The following NIPBL variants were observed in gnomAD, a reference collection of about 807,000 sequenced individuals.
NIPBL encodes NIPBL cohesin loading factor.
A neutral mutation model predicts 321.8 loss-of-function variants in NIPBL; 19 were observed. The ratio of observed to expected loss-of-function variants is 0.06; its 90% CI spans 0.04 to 0.09. NIPBL has a LOEUF of 0.09. NIPBL is among the 10% of genes least tolerant of loss of function. NIPBL has a pLI of 1.00. For synonymous variants in NIPBL, 1,106 were observed against 1,114.1 expected (o/e 0.99, Z 0.14); for missense variants, 2,210 against 3,327.0 (o/e 0.66, Z 8.26).
chr5:37,061,141 A>T, intron 45 of NIPBL, 123 bp downstream of exon 45: 4 of 714,820 alleles, frequency 5.6e-6, no homozygotes, highest in Non-Finnish European at 9.5e-6. Flanking sequence ...AACTATCAAG[A>T]TAATTTTTCT....
Position 37,027,339 on chromosome 5 carries a change from A to T in NIPBL, c.5809-20A>T. 6.3e-7 allele frequency: 1 copy of T among 1,587,904 alleles called. No homozygotes were observed. Among genetic ancestry groups the T allele is most frequent in the Non-Finnish European group, 8.6e-7 (1 of 1,156,384 alleles). On this transcript the variant is annotated intron_variant, in intron 31 of 46. Transcript: ENST00000282516. The stretch of plus-strand genomic sequence containing the variant: ...ATTTATAAATATACTTCTAACTTTG[A>T]TTCTTTTCATCACCCTTAGGTTGCA...
intron 31 of NIPBL, 137 bp from the exon 32 acceptor site, chr5:37,027,222 G>T: frequency 1.4e-6 from 1 of 698,344 alleles, no homozygotes; most frequent in Non-Finnish European, 2.5e-6. Flanking sequence ...TTGTGTTACT[G>T]AAAAAATAGT....
intron 36 of NIPBL, among the ~76,000 whole-genome samples, chr5:37,045,103 G>T (rs1337505044): frequency 1.3e-5 from 2 of 152,188 alleles, no homozygotes; most frequent in Non-Finnish European, 2.9e-5. Context: ...TGTAATCCCA[G>T]CACTTTGGGA....
intron 34 of NIPBL, among the ~76,000 whole-genome samples, chr5:37,041,486 A>G (rs576698849): frequency 5.3e-5 from 8 of 151,392 alleles, no homozygotes; most frequent in Non-Finnish European, 8.8e-5. Flanking sequence ...ACTGGTCTTG[A>G]ACTCCAGACC....
chr5:36,884,240 TTTG>T (rs773064352), intron 1 of NIPBL, among the ~76,000 whole-genome samples: 1 of 152,164 alleles, frequency 6.6e-6, no homozygotes, highest in Non-Finnish European at 1.5e-5. Flanking sequence ...AATATAGGTA[TTTG>T]TTGTTAATGT....
intron 1 of NIPBL, among the ~76,000 whole-genome samples, chr5:36,952,353 A>G (rs1417195835): frequency 6.6e-6 from 1 of 152,156 alleles, no homozygotes; most frequent in Non-Finnish European, 1.5e-5. Context: ...TAAGTTTTTT[A>G]AACTGGAAAT....
chr5:36,900,465 A>G (rs1233250008), intron 1 of NIPBL, among the ~76,000 whole-genome samples: 1 of 152,098 alleles, frequency 6.6e-6, no homozygotes, highest in East Asian at 1.9e-4. Context: ...AAATTAGGAA[A>G]CTGATGCTTA....
rs1360433761 is a variant in NIPBL, at chr5:37,036,266, G to A, written c.5863-113G>A. ...CAAATTGAAAAGTATGTTACTTATG[G>A]ACACTTTTAATGTGTTTATATTATT... On this transcript the variant is annotated intron_variant, in intron 32 of 46. Transcript: ENST00000282516. The A allele has an allele frequency of 1.2e-5, 3 of 248,158 alleles. No homozygotes were observed. In the East Asian group the frequency reaches 2.7e-4, roughly 22 times the overall value. 15.4% of individuals were successfully genotyped at this position (248,158 alleles called of 1,614,324 possible).
At chr5:37,017,511 G>A (rs1749127939) in intron 24 of NIPBL, among the ~76,000 whole-genome samples, 1 of 151,532 alleles carries the variant, frequency 6.6e-6, no homozygotes, top group African/African-American at 2.4e-5. Flanking sequence ...ACTTTTGAAT[G>A]TTTTGTATCT....
At chr5:36,887,345 G>C (rs1745989372) in intron 1 of NIPBL, among the ~76,000 whole-genome samples, 1 of 152,060 alleles carries the variant, frequency 6.6e-6, no homozygotes, top group Admixed American at 6.6e-5. Context: ...TTTGCTTTAG[G>C]TTTAGTGTTT....
rs186833677 is a variant in NIPBL at position 36,911,011 on chromosome 5, C to T, written c.-80+33833C>T. ...GTCTTTTATCTTCCCTTTTAGAAATCCCTCAGTTGAATTAAGAGGAAAAAA... is the reference window on the plus strand; with the variant it reads ...GTCTTTTATCTTCCCTTTTAGAAATTCCTCAGTTGAATTAAGAGGAAAAAA... On this transcript the variant is annotated intron_variant, in intron 1 of 46. Coordinates refer to ENST00000282516, the MANE Select transcript of NIPBL (RefSeq NM_133433.4). Among the ~76,000 whole-genome samples, 500 of 152,204 alleles carry T rather than the reference C, an allele frequency of 3.3e-3. 2 individuals carry two copies. The highest frequency in any genetic ancestry group is 0.012 in the African/African-American group (480 of 41,524).
intron 1 of NIPBL, among the ~76,000 whole-genome samples, chr5:36,952,076 G>T (rs571291998): frequency 4.5e-4 from 67 of 148,878 alleles, no homozygotes; most frequent in Admixed American, 1.1e-3. Context: ...GCGCGCGCAT[G>T]TGTGTGTGTA....
intron 26 of NIPBL, 46 bp downstream of exon 26, chr5:37,020,719 TA>T (rs1749527161): frequency 6.2e-7 from 1 of 1,600,304 alleles, no homozygotes; most frequent in Non-Finnish European, 8.6e-7. Flanking sequence ...CCTTGATATC[TA>T]TTTCCCTAAG....
At chr5:36,982,157 T>C (rs1744222006) in intron 9 of NIPBL, 1 of 880,962 alleles carries the variant, frequency 1.1e-6, no homozygotes, top group Non-Finnish European at 1.4e-6. Flanking sequence ...TGTATGCATT[T>C]TCTTTAGGAA....
In NIPBL at chr5:36,971,005, A is replaced by G; in HGVS notation, c.740A>G (p.Tyr247Cys). Residue 247 changes from tyrosine to cysteine, a missense_variant, in exon 7 of 47, where the codon TAC (tyrosine) becomes TGC (cysteine). Physicochemically the swap from Tyr to Cys is radical, Grantham distance 194. This residue lies in a region of NIPBL where 464 missense variants were observed against 529.5 expected (regional missense o/e 0.88). Coordinates refer to ENST00000282516, the MANE Select transcript of NIPBL (RefSeq NM_133433.4). Reference protein sequence around the residue: ...DNPRHGSSEDYLHMVHRLSSD... With the variant: ...DNPRHGSSEDCLHMVHRLSSD... ...CCTAGACATGGTTCAAGTGAGGACTACCTACACATGGTGCACAGGCTAAGT... is the reference window on the plus strand; with the variant it reads ...CCTAGACATGGTTCAAGTGAGGACTGCCTACACATGGTGCACAGGCTAAGT... The G allele has an allele frequency of 1.9e-6, 3 of 1,613,596 alleles. No individual in the cohort carries two copies. Among genetic ancestry groups the G allele is most frequent in the Non-Finnish European group, 2.5e-6 (3 of 1,179,534 alleles).
intron 1 of NIPBL, among the ~76,000 whole-genome samples, chr5:36,936,676 G>A (rs1738467027): frequency 6.6e-6 from 1 of 151,944 alleles, no homozygotes; most frequent in Non-Finnish European, 1.5e-5. Flanking sequence ...CCTTCCTTGT[G>A]GATAACCATT....
intron 1 of NIPBL, among the ~76,000 whole-genome samples, chr5:36,892,330 ATTG>A (rs1283920483): frequency 2.0e-5 from 3 of 152,194 alleles, no homozygotes; most frequent in Non-Finnish European, 2.9e-5. Flanking sequence ...ACACTTTTAC[ATTG>A]TTGTTGGGAC....
intron 1 of NIPBL, among the ~76,000 whole-genome samples, chr5:36,926,386 G>A (rs1749363397): frequency 2.0e-5 from 3 of 152,144 alleles, no homozygotes. Context: ...AGATGGGCTG[G>A]CCAGAATAGT....
At chr5:36,928,276 G>C (rs768528677) in intron 1 of NIPBL, among the ~76,000 whole-genome samples, 1 of 152,116 alleles carries the variant, frequency 6.6e-6, no homozygotes, top group Non-Finnish European at 1.5e-5. Flanking sequence ...ACTACATGCA[G>C]GTGACAGTTT....
Sources: allele counts gnomAD v4.1 joint callset (sites outside exome capture counted in the v4.1 genomes callset), GRCh38; gene constraint gnomAD v4.1.1; regional missense constraint gnomAD v4.1.1; transcripts MANE v1.5; gene names NCBI Gene and HGNC (gene_info 2026-07-23, HGNC 2026-07-21).